The following PTPRD variants were observed in gnomAD, a reference collection of about 807,000 sequenced individuals.
PTPRD encodes receptor-type tyrosine-protein phosphatase delta.
In PTPRD, 34 loss-of-function variants were observed where a neutral mutation model predicts 214.5. The ratio of observed to expected loss-of-function variants is 0.16; its 90% CI spans 0.12 to 0.21. The LOEUF is 0.21. PTPRD is among the 10% of genes least tolerant of loss of function. The pLI is 1.00. For missense variants in PTPRD, 2,545 were observed against 2,398.7 expected (o/e 1.06, Z -1.27); for synonymous variants, 1,128 against 845.7 (o/e 1.33, Z -5.79).
chr9:9,356,229 T>C (rs2053726686), intron 9 of PTPRD, among the ~76,000 whole-genome samples: 2 of 151,332 alleles, frequency 1.3e-5, no homozygotes, highest in South Asian at 4.2e-4. Flanking sequence ...GTGTATGTTT[T>C]TTTAATCTTG....
At chr9:10,130,802 A>T (rs1051282781) in intron 3 of PTPRD, among the ~76,000 whole-genome samples, 3 of 152,184 alleles carry the variant, frequency 2.0e-5, no homozygotes, top group Admixed American at 2.0e-4. Flanking sequence ...TCATTTCCTC[A>T]GAGCCAAATT....
At chr9:10,384,512 G>C (rs1412705150) in intron 2 of PTPRD, among the ~76,000 whole-genome samples, 2 of 151,604 alleles carry the variant, frequency 1.3e-5, no homozygotes, top group Non-Finnish European at 2.9e-5. Flanking sequence ...AGTACAATTG[G>C]AAGGAAAATA....
At chr9:8,434,600 T>G (rs1254380928) in intron 35 of PTPRD, among the ~76,000 whole-genome samples, 1 of 152,208 alleles carries the variant, frequency 6.6e-6, no homozygotes, top group Non-Finnish European at 1.5e-5. Context: ...GCTATCATAT[T>G]TCCGTAATTT....
intron 9 of PTPRD, among the ~76,000 whole-genome samples, chr9:9,200,035 T>C (rs2099940954): frequency 6.6e-6 from 1 of 152,168 alleles, no homozygotes; most frequent in Non-Finnish European, 1.5e-5. Context: ...GAAATGTTAA[T>C]CAAATCAAAG....
At chr9:10,332,532 T>C (rs1482724401) in intron 3 of PTPRD, among the ~76,000 whole-genome samples, 1 of 151,804 alleles carries the variant, frequency 6.6e-6, no homozygotes, top group East Asian at 1.9e-4. Flanking sequence ...AAGTGTACAC[T>C]CTTTTTAGAA....
chr9:9,941,453 G>A (rs982418336), intron 4 of PTPRD, among the ~76,000 whole-genome samples: 1 of 152,120 alleles, frequency 6.6e-6, no homozygotes, highest in African/African-American at 2.4e-5. Context: ...CTCCCAAGTA[G>A]CTGGGATTAC....
At chr9:8,711,664 A>G (rs2098335238) in intron 12 of PTPRD, among the ~76,000 whole-genome samples, 1 of 152,180 alleles carries the variant, frequency 6.6e-6, no homozygotes, top group Non-Finnish European at 1.5e-5. Context: ...GACCCCATCT[A>G]CAGAGATTCT....
intron 12 of PTPRD, among the ~76,000 whole-genome samples, chr9:8,654,516 A>G (rs948691974): frequency 1.3e-5 from 2 of 152,188 alleles, no homozygotes; most frequent in Non-Finnish European, 2.9e-5. Context: ...TACAAGAAAA[A>G]GAAATACTTA....
intron 4 of PTPRD, among the ~76,000 whole-genome samples, chr9:9,984,794 T>C (rs2154070741): frequency 6.6e-6 from 1 of 152,046 alleles, no homozygotes; most frequent in Non-Finnish European, 1.5e-5. Context: ...CTCGGAGGCC[T>C]GGAATACCCA....
intron 6 of PTPRD, among the ~76,000 whole-genome samples, chr9:9,762,382 C>T (rs374171135): frequency 5.4e-4 from 82 of 152,248 alleles, no homozygotes; most frequent in African/African-American, 1.8e-3. Context: ...CTTCAGAGTA[C>T]GCTTGCTTTT....
intron 3 of PTPRD, among the ~76,000 whole-genome samples, chr9:10,081,176 A>G (rs147083701): frequency 0.021 from 3,178 of 152,198 alleles, 53 homozygotes; most frequent in Middle Eastern, 0.044. Flanking sequence ...TAATTCTTAA[A>G]TTCACAGACA....
rs558778041 is a variant in PTPRD, at chr9:10,597,070, C to T, written c.-600+15328G>A. Among the ~76,000 whole-genome samples the T allele has an allele frequency of 3.9e-3, 582 of 149,502 alleles. 4 individuals carry two copies. The highest frequency in any genetic ancestry group is 0.013 in the African/African-American group (537 of 40,896). ...AGGTTATAGTCTTGGATTTATTTTCCATATATATATATATTTCACATATAT... is the reference window on the plus strand; with the variant it reads ...AGGTTATAGTCTTGGATTTATTTTCTATATATATATATATTTCACATATAT... On this transcript the variant is annotated intron_variant, in intron 2 of 45. Coordinates refer to ENST00000381196, the MANE Select transcript of PTPRD (RefSeq NM_002839.4).
At chr9:8,947,897 C>A (rs1262782655) in intron 11 of PTPRD, among the ~76,000 whole-genome samples, 1 of 151,994 alleles carries the variant, frequency 6.6e-6, no homozygotes, top group Non-Finnish European at 1.5e-5. Context: ...CTCATCTAAT[C>A]CTCACAAATA....
chr9:9,362,546 T>C (rs2056556828), intron 9 of PTPRD, among the ~76,000 whole-genome samples: 1 of 151,136 alleles, frequency 6.6e-6, no homozygotes. Context: ...TCAACTAATG[T>C]GTCTTGTATA....
At chr9:8,587,497 C>A (rs766554244) in intron 14 of PTPRD, among the ~76,000 whole-genome samples, 1 of 151,956 alleles carries the variant, frequency 6.6e-6, no homozygotes, top group African/African-American at 2.4e-5. Context: ...TTGTAGAATT[C>A]GAAAATATTT....
rs2132237440 is a variant in PTPRD at position 8,339,036 on chromosome 9, G to C, written c.5265C>G (p.His1755Gln). 2 of 1,611,442 alleles carry C rather than the reference G, an allele frequency of 1.2e-6. No homozygotes were observed. Among genetic ancestry groups the C allele is most frequent in the Non-Finnish European group, 1.7e-6 (2 of 1,178,270 alleles). The change falls in exon 43 of 46, where the codon CAC (histidine) becomes CAG (glutamine). Residue 1755 changes from histidine to glutamine, a missense_variant. By Grantham distance (24) the His-to-Gln change is conservative. Coordinates refer to ENST00000381196, the MANE Select transcript of PTPRD (RefSeq NM_002839.4). ...CAGACCGTTCTGCTGGCCAGTATTG[G>C]TGACATTTCTCCTAAAAGGAGAGAA... ...KLREMGREKC[H>Q]QYWPAERSAR...
chr9:8,715,443 G>A (rs983502638), intron 12 of PTPRD, among the ~76,000 whole-genome samples: 20 of 152,172 alleles, frequency 1.3e-4, no homozygotes, highest in Non-Finnish European at 2.5e-4. Flanking sequence ...CGGGCAGTAG[G>A]TGTAGAATAT....
At chr9:10,375,344 C>A (rs1598417636) in intron 2 of PTPRD, among the ~76,000 whole-genome samples, 1 of 151,912 alleles carries the variant, frequency 6.6e-6, no homozygotes, top group African/African-American at 2.4e-5. Context: ...CCTTTTATTT[C>A]TTTTTACTGT....
chr9:9,420,442 G>A (rs1005896754), intron 8 of PTPRD, among the ~76,000 whole-genome samples: 5 of 151,818 alleles, frequency 3.3e-5, no homozygotes, highest in African/African-American at 9.7e-5. Context: ...ACATATTGGT[G>A]ATAGTTCTTA....
Sources: allele counts gnomAD v4.1 joint callset (sites outside exome capture counted in the v4.1 genomes callset), GRCh38; gene constraint gnomAD v4.1.1; transcripts MANE v1.5; gene names NCBI Gene and HGNC (gene_info 2026-07-23, HGNC 2026-07-21).